Variants in NFAT5 observed in about 807,000 individuals in gnomAD.
NFAT5 encodes the protein nuclear factor of activated T-cells 5.
A neutral mutation model predicts 166.5 loss-of-function variants in NFAT5; 31 were observed. The observed-to-expected ratio is 0.19, with a 90% CI of 0.14 to 0.25. The LOEUF (loss-of-function observed/expected upper bound fraction) is 0.25. Among genes scored for constraint, NFAT5 ranks in the 10% least tolerant of loss-of-function variants. The pLI, the probability that NFAT5 is intolerant of heterozygous loss-of-function variation, is 1.00. For synonymous variants in NFAT5, 612 were observed against 639.7 expected, an observed-to-expected ratio of 0.96 and a Z score of 0.65; for missense variants, 1,449 against 1,821.8, an observed-to-expected ratio of 0.80 and a Z score of 3.72.
chr16:69,692,359 G>A lies in NFAT5; in HGVS notation c.2534G>A (p.Ser845Asn). 1 of 1,614,186 alleles carries A rather than the reference G, an allele frequency of 6.2e-7. No individual in the cohort carries two copies. The highest frequency in any genetic ancestry group is 8.5e-7 in the Non-Finnish European group (1 of 1,180,024). The part of the protein sequence containing the change: ...DGNENVQEQL[S>N]ADIFQQVSQI... ...AATGAGAATGTTCAAGAGCAGCTTA[G>A]TGCAGATATTTTTCAACAAGTCAGT... The change falls in exon 13 of 15, where the codon AGT (serine) becomes AAT (asparagine). Residue 845 changes from serine to asparagine, a missense_variant. This residue lies in a region of NFAT5 where 891 missense variants were observed against 993.0 expected (regional missense o/e 0.90). Transcript: ENST00000349945.
chr16:69,585,809 A>G (rs1268987664), intron 2 of NFAT5, among the ~76,000 whole-genome samples: 1 of 152,242 alleles, frequency 6.6e-6, no homozygotes, highest in East Asian at 1.9e-4. Context: ...GAAAGAAAGT[A>G]GAATATTGTC....
chr16:69,676,300 T>G (rs1329289191), intron 9 of NFAT5, among the ~76,000 whole-genome samples: 2 of 152,192 alleles, frequency 1.3e-5, no homozygotes, highest in African/African-American at 4.8e-5. Flanking sequence ...CTGGTGAAAC[T>G]TTTATGAACT....
chr16:69,655,707 T>C lies in NFAT5; in HGVS notation c.1104T>C (p.Thr368=). Residue 368 remains threonine (T), a synonymous_variant, in exon 6 of 15, where the codon ACT becomes ACC. Coordinates refer to ENST00000349945, the MANE Select transcript of NFAT5 (RefSeq NM_138713.4). ...PHGFYQACRV[T]GRNTTPCKEV... Reference sequence around the variant, plus strand: ...GATTTTATCAGGCCTGCAGAGTAACTGGACGAAATACAACTCCTTGCAAAG... The same window carrying C: ...GATTTTATCAGGCCTGCAGAGTAACCGGACGAAATACAACTCCTTGCAAAG... The C allele has an allele frequency of 6.2e-7, 1 of 1,614,010 alleles. No homozygotes were observed. Among genetic ancestry groups the C allele is most frequent in the Non-Finnish European group, 8.5e-7 (1 of 1,179,936 alleles).
chr16:69,693,769 C>T lies in NFAT5; in HGVS notation c.3944C>T (p.Pro1315Leu), dbSNP rs1414022368. The T allele has an allele frequency of 6.2e-7, 1 of 1,614,180 alleles. No homozygotes were observed. The highest frequency in any genetic ancestry group is 8.5e-7 in the Non-Finnish European group (1 of 1,180,024). The change falls in exon 13 of 15, where the codon CCA (proline) becomes CTA (leucine). Residue 1315 changes from proline to leucine, a missense_variant. Pro to Leu is a moderately conservative substitution (Grantham distance 98, BLOSUM62 -3). Around this residue, in one of 7 missense-constraint regions of NFAT5, gnomAD observed 891 missense variants for 993.0 expected, o/e 0.90. Coordinates refer to ENST00000349945, the MANE Select transcript of NFAT5 (RefSeq NM_138713.4). ...PNMIFNPNQN[P>L]MANQEQQNQS... ...ATGATATTCAACCCAAATCAAAATC[C>T]AATGGCTAATCAGGAGCAACAGAAC...
chr16:69,594,451 T>C (rs1238681286), intron 2 of NFAT5, among the ~76,000 whole-genome samples: 1 of 152,212 alleles, frequency 6.6e-6, no homozygotes, highest in Non-Finnish European at 1.5e-5. Context: ...TAAGTCTTTA[T>C]GTATCTTTTA....
rs1490770486 is a variant in NFAT5 at position 69,633,383 on chromosome 16, G to GA, written c.253+6856dup. Among the ~76,000 whole-genome samples the GA allele has an allele frequency of 4.6e-5, 7 of 152,228 alleles. No homozygotes were observed. The East Asian group carries it at 7.7e-4, about 17-fold the overall frequency. On this transcript the variant is annotated intron_variant, in intron 3 of 14. Transcript: ENST00000349945. Reference sequence around the variant, plus strand: ...CCTAAGAAATTAATGCATAGAAGTGGACTTTTTTATATCACCAACAAGATT... The same window carrying GA: ...CCTAAGAAATTAATGCATAGAAGTGGAACTTTTTTATATCACCAACAAGATT...
At chr16:69,662,436 G>C (rs967389826) in intron 7 of NFAT5, among the ~76,000 whole-genome samples, 1 of 148,404 alleles carries the variant, frequency 6.7e-6, no homozygotes, top group Non-Finnish European at 1.5e-5. Flanking sequence ...TACAGAGGTA[G>C]ACAACACCTC....
At chr16:69,661,208 TC>T (rs2036119981) in intron 7 of NFAT5, among the ~76,000 whole-genome samples, 1 of 150,730 alleles carries the variant, frequency 6.6e-6, no homozygotes, top group African/African-American at 2.4e-5. Flanking sequence ...TCCTTCTGTC[TC>T]CCATTCCAAT....
intron 3 of NFAT5, 75 bp from the exon 4 acceptor site, chr16:69,646,953 C>A (rs948827694): frequency 3.2e-6 from 4 of 1,252,168 alleles, no homozygotes; most frequent in Non-Finnish European, 4.4e-6. Flanking sequence ...TCACAAATCA[C>A]ATTTTCAATG....
At chr16:69,623,823 C>CT (rs1282839868) in intron 2 of NFAT5, among the ~76,000 whole-genome samples, 5 of 113,100 alleles carry the variant, frequency 4.4e-5, no homozygotes, top group African/African-American at 6.8e-5. Context: ...CTTTTTTTTT[C>CT]TTTTTTTTGC....
chr16:69,653,474 G>A, intron 5 of NFAT5, 46 bp downstream of exon 5: 1 of 1,211,066 alleles, frequency 8.3e-7, no homozygotes, highest in African/African-American at 1.6e-5. Flanking sequence ...AATGTAAAGG[G>A]GAATGAGAAT....
At chr16:69,673,744 C>T (rs567859986) in intron 9 of NFAT5, among the ~76,000 whole-genome samples, 3 of 151,818 alleles carry the variant, frequency 2.0e-5, no homozygotes, top group African/African-American at 7.2e-5. Context: ...AGACAACACA[C>T]TTTGGATGTG....
intron 9 of NFAT5, among the ~76,000 whole-genome samples, chr16:69,671,183 G>C (rs2036606825): frequency 1.3e-5 from 2 of 152,226 alleles, no homozygotes; most frequent in South Asian, 2.1e-4. Context: ...GCACAGCCAA[G>C]ACTGTTGCCA....
chr16:69,571,187 CCAA>C (rs2016415564), intron 2 of NFAT5, among the ~76,000 whole-genome samples: 1 of 134,918 alleles, frequency 7.4e-6, no homozygotes, highest in Non-Finnish European at 1.5e-5. Context: ...ACCTGTAATA[CCAA>C]CTACTCGCGA....
chr16:69,600,831 A>C (rs1009524573), intron 2 of NFAT5, among the ~76,000 whole-genome samples: 1 of 150,468 alleles, frequency 6.6e-6, no homozygotes, highest in Non-Finnish European at 1.5e-5. Flanking sequence ...GTACTGGTCC[A>C]CAATTTTGAT....
chr16:69,659,886 T>C lies in NFAT5; in HGVS notation c.1356T>C (p.Ser452=), dbSNP rs1016710420. 1.2e-5 allele frequency: 20 copies of C among 1,605,426 alleles called. No individual in the cohort carries two copies. Among genetic ancestry groups the C allele is most frequent in the Non-Finnish European group, 1.6e-5 (19 of 1,175,402 alleles). ...CTTTGACACTGCAAACACCCTCTTC[T>C]CCAATTTTGTGTAGTAAGTAAGAAG... The part of the protein sequence containing the change: ...GSTLTLQTPS[S]PILCTQPAGV... Residue 452 remains serine (S), a synonymous_variant, in exon 7 of 15, where the codon TCT becomes TCC. Coordinates refer to ENST00000349945, the MANE Select transcript of NFAT5 (RefSeq NM_138713.4).
At chr16:69,687,526 G>T (rs2151708626) in intron 11 of NFAT5, among the ~76,000 whole-genome samples, 1 of 149,954 alleles carries the variant, frequency 6.7e-6, no homozygotes, top group South Asian at 2.1e-4. Context: ...TTGTGTCTTT[G>T]CATGAGCATT....
In NFAT5 at chr16:69,590,843, C is replaced by G. The variant is rs141733904; in HGVS notation, c.127+22295C>G. On this transcript the variant is annotated intron_variant, in intron 2 of 14. Coordinates refer to ENST00000349945, the MANE Select transcript of NFAT5 (RefSeq NM_138713.4). ...AGTGAGATAAGAGACAAAGGAGAAT[C>G]TTTCAGGTCTTCTAACTCAAATCAC... Among the ~76,000 whole-genome samples, 339 of 152,304 alleles carry G rather than the reference C, an allele frequency of 2.2e-3. 2 individuals are homozygous for G. Among genetic ancestry groups the G allele is most frequent in the South Asian group, 5.8e-3 (28 of 4,830 alleles).
intron 3 of NFAT5, 57 bp downstream of exon 3, chr16:69,626,585 A>G: frequency 7.1e-7 from 1 of 1,401,426 alleles, no homozygotes; most frequent in Non-Finnish European, 9.4e-7. Flanking sequence ...AATCTGGCCA[A>G]CATGAACAGT....
Sources: gnomAD v4.1 joint callset for allele counts (sites outside exome capture counted in the v4.1 genomes callset) on GRCh38, gnomAD v4.1.1 for gene constraint, gnomAD v4.1.1 regional missense constraint, MANE v1.5 for transcripts, NCBI Gene and HGNC (gene_info 2026-07-23, HGNC 2026-07-21) for gene names.